The following GABRG3 variants were observed in gnomAD, a reference collection of about 807,000 sequenced individuals.
GABRG3 encodes the protein gamma-aminobutyric acid type A receptor subunit gamma3.
In GABRG3, 25 loss-of-function variants were observed where a neutral mutation model predicts 48.8. The observed-to-expected ratio is 0.51, with a 90% CI of 0.37 to 0.72. The LOEUF (loss-of-function observed/expected upper bound fraction) is 0.72. Among genes scored for constraint, GABRG3 ranks in the 30% least tolerant of loss-of-function variants. The pLI, the probability that GABRG3 is intolerant of heterozygous loss-of-function variation, is 0.00. For synonymous variants in GABRG3, 227 were observed against 217.6 expected (o/e 1.04, Z -0.38); for missense variants, 394 against 577.9 (o/e 0.68, Z 3.26).
At chr15:27,139,425 A>T (rs1336519057) in intron 3 of GABRG3, among the ~76,000 whole-genome samples, 1 of 152,084 alleles carries the variant, frequency 6.6e-6, no homozygotes, top group African/African-American at 2.4e-5. Flanking sequence ...AGCAGAATGG[A>T]TGGTGCCTGC....
chr15:27,173,428 T>G (rs1887636322), intron 3 of GABRG3, among the ~76,000 whole-genome samples: 1 of 152,136 alleles, frequency 6.6e-6, no homozygotes, highest in Non-Finnish European at 1.5e-5. Context: ...ATGGGTTGAT[T>G]TAGTTTTATT....
intron 5 of GABRG3, among the ~76,000 whole-genome samples, chr15:27,432,975 T>A (rs1459569075): frequency 6.6e-6 from 1 of 152,210 alleles, no homozygotes; most frequent in Non-Finnish European, 1.5e-5. Context: ...GTTCTTCATC[T>A]CTTTCTGCAC....
intron 5 of GABRG3, among the ~76,000 whole-genome samples, chr15:27,400,654 T>C (rs1887449391): frequency 6.6e-6 from 1 of 152,192 alleles, no homozygotes; most frequent in Non-Finnish European, 1.5e-5. Context: ...TCCTCACCAC[T>C]AGATGAGGAT....
chr15:27,448,469 G>GA (rs1448942051), intron 5 of GABRG3, among the ~76,000 whole-genome samples: 1 of 152,304 alleles, frequency 6.6e-6, no homozygotes, highest in East Asian at 1.9e-4. Flanking sequence ...GATTATGCCT[G>GA]AAAAAATAGA....
chr15:27,197,961 T>G (rs1888549968), intron 3 of GABRG3, among the ~76,000 whole-genome samples: 1 of 152,190 alleles, frequency 6.6e-6, no homozygotes. Context: ...GATATCCCCT[T>G]TATTATTTTT....
At chr15:27,347,436 C>G (rs1437436805) in intron 5 of GABRG3, among the ~76,000 whole-genome samples, 1 of 152,176 alleles carries the variant, frequency 6.6e-6, no homozygotes, top group Non-Finnish European at 1.5e-5. Flanking sequence ...CAGTGCCCCC[C>G]AGTCTATTTC....
intron 7 of GABRG3, among the ~76,000 whole-genome samples, chr15:27,523,791 GAAC>G (rs1891212695): frequency 2.6e-5 from 4 of 151,826 alleles, no homozygotes; most frequent in African/African-American, 9.6e-5. Context: ...CCATGAGATA[GAAC>G]AACAAAAATT....
chr15:26,986,422 C>T (rs1383595733), intron 2 of GABRG3, among the ~76,000 whole-genome samples: 2 of 152,088 alleles, frequency 1.3e-5, no homozygotes, highest in South Asian at 2.1e-4. Flanking sequence ...ATCCAAAGGC[C>T]GCCGAGTTCA....
intron 2 of GABRG3, among the ~76,000 whole-genome samples, chr15:26,988,909 C>T (rs532243732): frequency 2.6e-5 from 4 of 152,288 alleles, no homozygotes; most frequent in African/African-American, 9.6e-5. Context: ...AAAACATCTT[C>T]ATTGAAATAT....
chr15:27,344,425 G>A (rs561902111), intron 5 of GABRG3, among the ~76,000 whole-genome samples: 43 of 152,246 alleles, frequency 2.8e-4, no homozygotes, highest in African/African-American at 9.6e-4. Flanking sequence ...AGCTCATTCT[G>A]TTGACTTGTC....
chr15:27,379,534 T>C (rs1895701214), intron 5 of GABRG3, among the ~76,000 whole-genome samples: 1 of 152,260 alleles, frequency 6.6e-6, no homozygotes, highest in African/African-American at 2.4e-5. Flanking sequence ...TTCCTTCCTG[T>C]AGATTTGAGT....
At chr15:27,449,489 A>G (rs1889045626) in intron 5 of GABRG3, among the ~76,000 whole-genome samples, 1 of 152,218 alleles carries the variant, frequency 6.6e-6, no homozygotes, top group African/African-American at 2.4e-5. Flanking sequence ...AATGCCATGA[A>G]AATAGGAAGA....
At chr15:27,248,710 A>G (rs1023105775) in intron 3 of GABRG3, among the ~76,000 whole-genome samples, 1 of 149,080 alleles carries the variant, frequency 6.7e-6, no homozygotes. Context: ...GTGATCTGTA[A>G]AGTTTTCATG....
chr15:27,032,773 T>G (rs1283706937), intron 3 of GABRG3, among the ~76,000 whole-genome samples: 1 of 152,308 alleles, frequency 6.6e-6, no homozygotes. Flanking sequence ...ATGAAACATC[T>G]AAACCATATC....
rs564193406 is a variant in GABRG3, at chr15:27,228,240, A to G, written c.271-98569A>G. On this transcript the variant is annotated intron_variant, in intron 3 of 9. Transcript: ENST00000615808. ...CTTCCTCCTGCCTTAAGCAGACCCC[A>G]GTATCTGTTGTTTCCTTCTTCATGT... Among the ~76,000 whole-genome samples the G allele has an allele frequency of 5.9e-5, 9 of 152,234 alleles. No homozygotes were observed. The East Asian group carries it at 1.2e-3, about 20-fold the overall frequency.
chr15:27,368,125 G>T (rs1477350422), intron 5 of GABRG3, among the ~76,000 whole-genome samples: 1 of 152,188 alleles, frequency 6.6e-6, no homozygotes, highest in Non-Finnish European at 1.5e-5. Context: ...ATAGAGAAGG[G>T]CTGTTTCTTT....
At chr15:27,342,448 A>G (rs892368882) in intron 5 of GABRG3, among the ~76,000 whole-genome samples, 12 of 152,120 alleles carry the variant, frequency 7.9e-5, no homozygotes. Flanking sequence ...GTTCTGTATC[A>G]TCTCCATTCA....
chr15:27,113,602 G>T (rs867628483), intron 3 of GABRG3, among the ~76,000 whole-genome samples: 3 of 152,204 alleles, frequency 2.0e-5, no homozygotes, highest in Admixed American at 1.3e-4. Context: ...ATTTACAGCA[G>T]AGTGGCCCTA....
intron 6 of GABRG3, among the ~76,000 whole-genome samples, chr15:27,508,523 A>C (rs1386878941): frequency 1.3e-5 from 2 of 152,212 alleles, no homozygotes; most frequent in Admixed American, 6.5e-5. Flanking sequence ...TTTTAAAGTC[A>C]ATATTATCAA....
Sources: allele counts gnomAD v4.1 joint callset (sites outside exome capture counted in the v4.1 genomes callset), GRCh38; gene constraint gnomAD v4.1.1; transcripts MANE v1.5; gene names NCBI Gene and HGNC (gene_info 2026-07-23, HGNC 2026-07-21).